Variants in PTPRD observed in about 807,000 individuals in gnomAD.
The protein encoded by PTPRD is protein tyrosine phosphatase receptor type D.
A neutral mutation model predicts 214.5 loss-of-function variants in PTPRD; 34 were observed. The observed-to-expected ratio is 0.16, with a 90% CI of 0.12 to 0.21. The LOEUF (loss-of-function observed/expected upper bound fraction) is 0.21. PTPRD is among the 10% of genes least tolerant of loss of function. PTPRD has a pLI of 1.00. For synonymous variants in PTPRD, 1,128 were observed against 845.7 expected (o/e 1.33, Z -5.79); for missense variants, 2,545 against 2,398.7 (o/e 1.06, Z -1.27).
At chr9:9,923,993 A>G (rs2083420047) in intron 5 of PTPRD, among the ~76,000 whole-genome samples, 1 of 152,032 alleles carries the variant, frequency 6.6e-6, no homozygotes, top group Non-Finnish European at 1.5e-5. Context: ...AAATATTTTC[A>G]TTATTTTGTA....
intron 8 of PTPRD, among the ~76,000 whole-genome samples, chr9:9,440,594 A>G (rs2144329532): frequency 6.6e-6 from 1 of 152,350 alleles, no homozygotes; most frequent in South Asian, 2.1e-4. Context: ...AAAGTCTCCA[A>G]GGAATGATAC....
intron 3 of PTPRD, among the ~76,000 whole-genome samples, chr9:10,185,598 G>C (rs995207485): frequency 6.6e-6 from 1 of 152,100 alleles, no homozygotes; most frequent in African/African-American, 2.4e-5. Flanking sequence ...ATGTTATACG[G>C]CTAATATGTG....
intron 44 of PTPRD, among the ~76,000 whole-genome samples, chr9:8,330,794 T>G (rs1005433036): frequency 6.6e-6 from 1 of 151,522 alleles, no homozygotes; most frequent in Non-Finnish European, 1.5e-5. Flanking sequence ...TAAAGAACTA[T>G]AGTTTTCTTT....
intron 5 of PTPRD, among the ~76,000 whole-genome samples, chr9:9,810,004 T>C (rs957029847): frequency 6.6e-6 from 1 of 151,968 alleles, no homozygotes; most frequent in Non-Finnish European, 1.5e-5. Flanking sequence ...TTTTTTCCAA[T>C]AAAAGTTATA....
rs772210208 is a variant in PTPRD at position 8,536,281 on chromosome 9, T to C, written c.353-7502A>G. ...CTCATGAATGGGACAACAAAAGAGTTTGAATACTTGGTCATCCTTTACTTT... is the reference window on the plus strand; with the variant it reads ...CTCATGAATGGGACAACAAAAGAGTCTGAATACTTGGTCATCCTTTACTTT... On this transcript the variant is annotated intron_variant, in intron 14 of 45. Coordinates refer to ENST00000381196, the MANE Select transcript of PTPRD (RefSeq NM_002839.4). 2.0e-5 allele frequency among the ~76,000 whole-genome samples: 3 copies of C among 152,102 alleles called. No homozygotes were observed. The East Asian group carries it at 5.8e-4, about 29-fold the overall frequency.
intron 3 of PTPRD, among the ~76,000 whole-genome samples, chr9:10,156,850 G>T (rs925085161): frequency 1.3e-5 from 2 of 152,066 alleles, no homozygotes; most frequent in African/African-American, 4.8e-5. Context: ...AGGATAGTTA[G>T]GTCTTCTCTT....
chr9:10,507,131 CA>C (rs1417768076), intron 2 of PTPRD, among the ~76,000 whole-genome samples: 1 of 152,070 alleles, frequency 6.6e-6, no homozygotes, highest in African/African-American at 2.4e-5. Context: ...GCAAAAATCA[CA>C]AGCATTCTTA....
intron 11 of PTPRD, among the ~76,000 whole-genome samples, chr9:8,966,419 A>G (rs1270611906): frequency 6.6e-6 from 1 of 151,926 alleles, no homozygotes; most frequent in Non-Finnish European, 1.5e-5. Flanking sequence ...CCAGTGGAAG[A>G]GAAAAAAAAA....
chr9:9,840,761 CAAAAAAAAAAAA>C (rs59780411), intron 5 of PTPRD, among the ~76,000 whole-genome samples: 4 of 61,616 alleles, frequency 6.5e-5, no homozygotes, highest in African/African-American at 2.2e-4. Context: ...GACTCCGTTT[CAAAAAAAAAAAA>C]AAAAAAAAAA....
intron 2 of PTPRD, among the ~76,000 whole-genome samples, chr9:10,592,287 G>C (rs1260167319): frequency 1.3e-5 from 2 of 151,908 alleles, no homozygotes; most frequent in African/African-American, 4.8e-5. Context: ...TGAGCCAGTA[G>C]ACTAAATCTC....
At chr9:8,430,898 T>G (rs942177) in intron 35 of PTPRD, among the ~76,000 whole-genome samples, 6 of 152,048 alleles carry the variant, frequency 3.9e-5, no homozygotes, top group Non-Finnish European at 8.8e-5. Context: ...TAAGATTACC[T>G]CCTTGGTGTA....
intron 2 of PTPRD, among the ~76,000 whole-genome samples, chr9:10,563,255 T>G (rs2064551923): frequency 6.6e-6 from 1 of 152,180 alleles, no homozygotes; most frequent in Non-Finnish European, 1.5e-5. Flanking sequence ...AAAATCCAGC[T>G]GGCAGAAAGG....
intron 33 of PTPRD, among the ~76,000 whole-genome samples, chr9:8,453,814 C>T (rs543093700): frequency 6.6e-6 from 1 of 152,234 alleles, no homozygotes; most frequent in Admixed American, 6.5e-5. Context: ...CGTCAAGTTC[C>T]CTGGTGGTGC....
chr9:9,104,065 T>C, intron 10 of PTPRD, among the ~76,000 whole-genome samples: 1 of 152,156 alleles, frequency 6.6e-6, no homozygotes. Context: ...ATTTTGATAA[T>C]ACCATTATCA....
chr9:10,288,322 C>A (rs1263866277), intron 3 of PTPRD, among the ~76,000 whole-genome samples: 2 of 150,522 alleles, frequency 1.3e-5, no homozygotes, highest in Non-Finnish European at 2.9e-5. Context: ...TTAAAAATTC[C>A]ATTTGTTGTA....
intron 9 of PTPRD, among the ~76,000 whole-genome samples, chr9:9,389,709 A>C (rs2065137167): frequency 6.6e-6 from 1 of 152,188 alleles, no homozygotes. Flanking sequence ...TTCTAGCAAC[A>C]GCTAAGTAGG....
intron 14 of PTPRD, among the ~76,000 whole-genome samples, chr9:8,558,022 A>T (rs2084668446): frequency 6.6e-6 from 1 of 152,110 alleles, no homozygotes; most frequent in Admixed American, 6.6e-5. Context: ...TATGTAACTA[A>T]TTAATCTATT....
intron 11 of PTPRD, among the ~76,000 whole-genome samples, chr9:8,792,135 A>C (rs543271634): frequency 6.6e-6 from 1 of 152,328 alleles, no homozygotes; most frequent in South Asian, 2.1e-4. Flanking sequence ...TAGCATGTAT[A>C]TGCAGAGGGT....
intron 34 of PTPRD, among the ~76,000 whole-genome samples, chr9:8,448,574 T>A (rs562293541): frequency 6.6e-6 from 1 of 152,130 alleles, no homozygotes; most frequent in South Asian, 2.1e-4. Flanking sequence ...TCCCGGTGCA[T>A]GATGAAATAA....
Sources: gnomAD v4.1 joint callset for allele counts (sites outside exome capture counted in the v4.1 genomes callset) on GRCh38, gnomAD v4.1.1 for gene constraint, MANE v1.5 for transcripts, NCBI Gene and HGNC (gene_info 2026-07-23, HGNC 2026-07-21) for gene names.